The following MFSD12 variants were observed in gnomAD, a reference collection of about 807,000 sequenced individuals.
MFSD12 encodes major facilitator superfamily domain-containing protein 12.
Under a neutral mutation model 51.2 loss-of-function variants are expected in MFSD12, and 67 were observed. The ratio of observed to expected loss-of-function variants is 1.31; its 90% CI spans 1.08 to 1.60. The LOEUF (loss-of-function observed/expected upper bound fraction) is 1.60. MFSD12 is among the 40% of genes most tolerant of loss of function. MFSD12 has a pLI of 0.00. For synonymous variants in MFSD12, 441 were observed against 316.7 expected, an observed-to-expected ratio of 1.39 and a Z score of -4.17; for missense variants, 921 against 673.0, an observed-to-expected ratio of 1.37 and a Z score of -4.08.
In MFSD12 at chr19:3,551,923, G is replaced by A. The variant is rs1191050152; in HGVS notation, c.299-729C>T. Among the ~76,000 whole-genome samples the A allele has an allele frequency of 6.6e-6, 1 of 152,106 alleles. No individual in the cohort carries two copies. Among genetic ancestry groups the A allele is most frequent in the Non-Finnish European group, 1.5e-5 (1 of 68,026 alleles). ...CAGGCGGTCCTGCCCCCGGGCCTTT[G>A]CATGGGCGTGCCTCTGCCTAGAGCT... On this transcript the variant is annotated intron_variant, in intron 1 of 9. Coordinates refer to ENST00000355415, the MANE Select transcript of MFSD12 (RefSeq NM_174983.5). This position sits in a 1 kb window ranked among gnomAD's most constrained non-coding sequence, Gnocchi z 4.6.
chr19:3,554,054 C>T (rs2031615860), intron 1 of MFSD12, among the ~76,000 whole-genome samples: 1 of 151,376 alleles, frequency 6.6e-6, no homozygotes, highest in African/African-American at 2.4e-5. Context: ...TGCCTTCCAG[C>T]CCGGGTGACA....
In MFSD12 at chr19:3,554,455, A is replaced by C. The variant is rs562855890; in HGVS notation, c.298+2651T>G. On this transcript the variant is annotated intron_variant, in intron 1 of 9. Transcript: ENST00000355415. ...CTGTCTCAACAACAACAAAACAAAA[A>C]AAAAAAAAAAAGAAAGAAAGTTCCT... Among the ~76,000 whole-genome samples, 377 of 140,042 alleles carry C rather than the reference A, an allele frequency of 2.7e-3. 1 individual carries two copies. The highest frequency in any genetic ancestry group is 8.7e-3 in the South Asian group (36 of 4,148). The allele number at this position is 140,042 out of a possible 152,430, so 91.9% of individuals were successfully genotyped here. A position where few individuals can be genotyped will look rare whatever the true frequency, so the allele number is the denominator to read the frequency against.
In MFSD12 at chr19:3,554,246, G is replaced by A. The variant is rs116752836; in HGVS notation, c.298+2860C>T. ...GAGGTCAGCGGTTCAAGCCCAGCCTGGACAATATGGTGAAACCTTGCCTCT... is the reference window on the plus strand; with the variant it reads ...GAGGTCAGCGGTTCAAGCCCAGCCTAGACAATATGGTGAAACCTTGCCTCT... On this transcript the variant is annotated intron_variant, in intron 1 of 9. Transcript: ENST00000355415. Among the ~76,000 whole-genome samples the A allele has an allele frequency of 3.0e-3, 451 of 151,576 alleles. 2 individuals carry two copies. Among genetic ancestry groups the A allele is most frequent in the African/African-American group, 0.011 (443 of 41,304 alleles).
downstream of MFSD12, chr19:3,539,320 T>A: frequency 1.2e-6 from 1 of 812,474 alleles, no homozygotes; most frequent in Non-Finnish European, 1.8e-6. Context: ...TCCCTGGGTG[T>A]CAGGTTACAT....
At chr19:3,541,341 A>C (rs886809061), downstream of MFSD12, among the ~76,000 whole-genome samples, 4 of 151,642 alleles carry the variant, frequency 2.6e-5, no homozygotes, top group Non-Finnish European at 5.9e-5. Flanking sequence ...CTCAAAAAAA[A>C]AAAGAGGGTC....
Position 3,557,354 on chromosome 19 carries a change from A to G in MFSD12, c.50T>C (p.Leu17Pro), listed in dbSNP as rs1172839571. 1 of 1,521,374 alleles carries G rather than the reference A, an allele frequency of 6.6e-7. No individual in the cohort carries two copies. The highest frequency in any genetic ancestry group is 8.8e-7 in the Non-Finnish European group (1 of 1,136,178). 94.2% of individuals were successfully genotyped at this position (1,521,374 alleles called of 1,614,324 possible). Reference protein sequence around the residue: ...AAGAAPSPRPLSLVARLSYAV... With the variant: ...AAGAAPSPRPPSLVARLSYAV... ...GTAGCTCAGCCGCGCCACCAGGGAC[A>G]GCGGCCGCGGGGACGGCGCCGCTCC... The change falls in exon 1 of 10, where the codon CTG becomes CCG. Residue 17 changes from leucine (L) to proline (P), a missense_variant. Coordinates refer to ENST00000355415, the MANE Select transcript of MFSD12 (RefSeq NM_174983.5).
At position 3,548,104 on chromosome 19, in the gene MFSD12, C is replaced by A; in HGVS notation, c.654+19G>T. The A allele has an allele frequency of 6.2e-7, 1 of 1,604,582 alleles. No individual in the cohort carries two copies. Among genetic ancestry groups the A allele is most frequent in the Non-Finnish European group, 8.5e-7 (1 of 1,178,964 alleles). On this transcript the variant is annotated intron_variant, in intron 3 of 9. Transcript: ENST00000355415. ...CCTGGCTCGAGGACTTCAGGCGACC[C>A]ACCCGGACTCCAGCTCACCCGGAAC... is the stretch of plus-strand genomic sequence containing the variant.
At chr19:3,543,426 A>C (rs1266958950), downstream of MFSD12, 10 of 1,544,756 alleles carry the variant, frequency 6.5e-6, no homozygotes, top group African/African-American at 1.3e-4. Flanking sequence ...GAGGCCTACA[A>C]CCGCTGGCAC....
exon 5 of MFSD12, chr19:3,538,708 G>A (rs371836277): frequency 1.1e-5 from 5 of 474,380 alleles, no homozygotes; most frequent in Non-Finnish European, 1.3e-5. Context: ...TCTCCGCCTC[G>A]GGCTGTCACA....
chr19:3,543,416 G>A (rs748580427), downstream of MFSD12: 71 of 1,547,598 alleles, frequency 4.6e-5, no homozygotes, highest in Admixed American at 2.2e-4. Context: ...CCCCTTCCGC[G>A]AGGCCTACAA....
Position 3,544,938 on chromosome 19 carries a change from A to G in MFSD12, c.1291T>C (p.Ser431Pro), listed in dbSNP as rs1424384960. The G allele has an allele frequency of 6.2e-7, 1 of 1,606,354 alleles. No individual in the cohort carries two copies. The highest frequency in any genetic ancestry group is 1.7e-4 in the Middle Eastern group (1 of 5,934). The part of the protein sequence containing the change: ...MAIQSLHPCP[S>P]ELCCRACVSF... ...ACGCAGGCCCTGCAGCAGAGCTCTG[A>G]GCTGTGGGAGGAGGCGGGGGATGAG... Residue 431 changes from serine (S) to proline (P), a missense_variant and splice_region_variant, in exon 9 of 10, where the codon TCA becomes CCA. Ser to Pro is a moderately conservative substitution (Grantham distance 74). Transcript: ENST00000355415.
At chr19:3,543,891 C>T (rs2145170934), downstream of MFSD12, 1 of 1,550,876 alleles carries the variant, frequency 6.4e-7, no homozygotes, top group Non-Finnish European at 8.7e-7. Context: ...CGTGCCCTCC[C>T]TGTCGGCACC....
At chr19:3,546,505 C>G in intron 6 of MFSD12, 80 bp from the exon 7 acceptor site, 1 of 1,473,208 alleles carries the variant, frequency 6.8e-7, no homozygotes, top group Non-Finnish European at 9.1e-7. Context: ...CCCCTACCCC[C>G]AACCCCAGCA....
At position 3,539,022 on chromosome 19, in the gene MFSD12, T is replaced by G. The variant is rs146067537; in HGVS notation, c.*6-266A>C. 1,090 of 633,798 alleles carry G rather than the reference T, an allele frequency of 1.7e-3. 10 individuals carry two copies. Among genetic ancestry groups the G allele is most frequent in the South Asian group, 6.5e-3 (364 of 56,314 alleles). The allele number at this position is 633,798 out of a possible 1,614,324, so 39.3% of individuals were successfully genotyped here. On this transcript the variant is annotated intron_variant, in intron 4 of 4. Coordinates refer to the MFSD12 transcript ENST00000398558. ...TGTGTCACCCCCAGTTGTTAAATAC[T>G]CAGAACGACTCTCCAGCCCTTCCCT...
At chr19:3,548,399 G>A (rs2031256265) in intron 2 of MFSD12, 132 bp from the exon 3 acceptor site, 1 of 1,253,344 alleles carries the variant, frequency 8.0e-7, no homozygotes, top group Non-Finnish European at 1.1e-6. Flanking sequence ...GCCACACTGG[G>A]TGGCCTCCAG....
rs141691153 is a variant in MFSD12 at position 3,545,417 on chromosome 19, G to C, written c.1290-478C>G. On this transcript the variant is annotated intron_variant, in intron 8 of 9. Transcript: ENST00000355415. ...GCCCTCCCCTCCTCCCTCTACTCCA[G>C]CCACACAGGCCTCCTCCCTGTTCTT... 5.2e-3 allele frequency among the ~76,000 whole-genome samples: 781 copies of C among 151,130 alleles called. 11 individuals carry two copies. The highest frequency in any genetic ancestry group is 0.019 in the African/African-American group (749 of 40,416).
intron 1 of MFSD12, among the ~76,000 whole-genome samples, chr19:3,554,335 G>A (rs1462669962): frequency 6.6e-6 from 1 of 151,670 alleles, no homozygotes; most frequent in African/African-American, 2.4e-5. Flanking sequence ...TACTCAGGAG[G>A]CTGACGCACG....
In MFSD12 at chr19:3,544,446, G is replaced by T. The variant is rs139334559; in HGVS notation, c.*264C>A. ...GGATTCCTACTTCCTGTTCCCTGCC[G>T]AGAGGGGCACCCCAAATCCTCCAGA... is the stretch of plus-strand genomic sequence containing the variant. On this transcript the variant is annotated 3_prime_UTR_variant, in exon 10 of 10. Transcript: ENST00000355415. 8 of 1,339,490 alleles carry T rather than the reference G, an allele frequency of 6.0e-6. No homozygotes were observed. Among genetic ancestry groups the T allele is most frequent in the South Asian group, 2.2e-5 (1 of 45,620 alleles). 83.0% of individuals were successfully genotyped at this position (1,339,490 alleles called of 1,614,324 possible).
intron 1 of MFSD12, among the ~76,000 whole-genome samples, chr19:3,555,872 G>A (rs779683426): frequency 1.4e-4 from 21 of 152,208 alleles, no homozygotes; most frequent in Admixed American, 7.9e-4. Context: ...GAAGGAGGCC[G>A]GCTAATCTTC....
Sources: gnomAD v4.1 joint callset for allele counts (sites outside exome capture counted in the v4.1 genomes callset) on GRCh38, gnomAD v4.1.1 for gene constraint, Gnocchi (gnomAD v3.1) non-coding constraint, MANE v1.5 for transcripts, NCBI Gene and HGNC (gene_info 2026-07-23, HGNC 2026-07-21) for gene names.